The following SMYD3 variants were observed in gnomAD, a reference collection of about 807,000 sequenced individuals.
SMYD3 encodes the protein SET and MYND domain containing 3.
A neutral mutation model predicts 57.7 loss-of-function variants in SMYD3; 36 were observed. That is an observed-to-expected ratio of 0.62 (90% CI 0.48 to 0.82). The LOEUF (loss-of-function observed/expected upper bound fraction) is 0.82. SMYD3 is among the 40% of genes least tolerant of loss of function. The pLI, the probability that SMYD3 is intolerant of heterozygous loss-of-function variation, is 0.00. For synonymous variants in SMYD3, 211 were observed against 195.0 expected (o/e 1.08, Z -0.68); for missense variants, 515 against 538.8 (o/e 0.96, Z 0.44).
chr1:246,330,642 A>C, intron 3 of SMYD3, 105 bp from the exon 4 acceptor site: 2 of 908,686 alleles, frequency 2.2e-6, no homozygotes, highest in Non-Finnish European at 3.2e-6. Flanking sequence ...TCCATCAAAA[A>C]GAACATTTTC....
chr1:245,855,329 G>GC (rs1384773158), intron 10 of SMYD3, among the ~76,000 whole-genome samples: 7 of 151,722 alleles, frequency 4.6e-5, no homozygotes, highest in Middle Eastern at 3.4e-3. Flanking sequence ...GGGCTGGGGG[G>GC]GGAATTTATA....
intron 5 of SMYD3, among the ~76,000 whole-genome samples, chr1:246,248,222 G>A (rs1459767530): frequency 6.6e-6 from 1 of 152,168 alleles, no homozygotes; most frequent in Non-Finnish European, 1.5e-5. Flanking sequence ...AACTGATGAT[G>A]TAACGATTCT....
intron 1 of SMYD3, among the ~76,000 whole-genome samples, chr1:246,445,672 T>C (rs1286889251): frequency 6.6e-6 from 1 of 152,206 alleles, no homozygotes; most frequent in Admixed American, 6.5e-5. Context: ...GACAGTCTTT[T>C]GCAAACCAAG....
At chr1:245,803,589 C>T (rs2047982549) in intron 10 of SMYD3, among the ~76,000 whole-genome samples, 1 of 152,140 alleles carries the variant, frequency 6.6e-6, no homozygotes, top group African/African-American at 2.4e-5. Flanking sequence ...AAATGCAAAC[C>T]CCAGCCACGT....
At chr1:245,909,095 A>G (rs1220110258) in intron 8 of SMYD3, among the ~76,000 whole-genome samples, 1 of 152,166 alleles carries the variant, frequency 6.6e-6, no homozygotes. Flanking sequence ...AGACTCAAAT[A>G]AGTAAAATCA....
At chr1:245,898,820 G>C (rs1388522730) in intron 8 of SMYD3, among the ~76,000 whole-genome samples, 1 of 152,166 alleles carries the variant, frequency 6.6e-6, no homozygotes, top group Non-Finnish European at 1.5e-5. Context: ...CTATGTTCTT[G>C]CCACAAACTT....
chr1:246,449,770 G>T (rs1264402345), intron 1 of SMYD3, among the ~76,000 whole-genome samples: 1 of 152,166 alleles, frequency 6.6e-6, no homozygotes, highest in Non-Finnish European at 1.5e-5. Flanking sequence ...ATGAAGTCAG[G>T]TGCTCTGACT....
Position 246,055,533 on chromosome 1 carries a change from T to G in SMYD3, c.532-125596A>C, listed in dbSNP as rs150766136. Among the ~76,000 whole-genome samples, 507 of 152,328 alleles carry G rather than the reference T, an allele frequency of 3.3e-3. 1 individual carries two copies. The highest frequency in any genetic ancestry group is 5.3e-3 in the Non-Finnish European group (358 of 68,028). On this transcript the variant is annotated intron_variant, in intron 5 of 11. Coordinates refer to ENST00000490107, the MANE Select transcript of SMYD3 (RefSeq NM_001167740.2). ...AACCTGAAGAGCTGAAAGCACAGATTCAAATAGGTATTGGCACACCTTTGC... is the reference window on the plus strand; with the variant it reads ...AACCTGAAGAGCTGAAAGCACAGATGCAAATAGGTATTGGCACACCTTTGC...
chr1:245,901,077 G>T lies in SMYD3; in HGVS notation c.813+14453C>A, dbSNP rs554106863. ...CCTGCAGCATTAGAATGAGCTCAGG[G>T]TCCTTTCTCATGCAGTGAGAGCAAC... On this transcript the variant is annotated intron_variant, in intron 8 of 11. Coordinates refer to ENST00000490107, the MANE Select transcript of SMYD3 (RefSeq NM_001167740.2). 2.0e-5 allele frequency among the ~76,000 whole-genome samples: 3 copies of T among 152,288 alleles called. No homozygotes were observed. The South Asian group carries it at 6.2e-4, about 32-fold the overall frequency.
At chr1:246,490,836 C>T (rs2068257641) in intron 1 of SMYD3, among the ~76,000 whole-genome samples, 1 of 152,182 alleles carries the variant, frequency 6.6e-6, no homozygotes, top group South Asian at 2.1e-4. Flanking sequence ...CACTGCACCC[C>T]AGCCTGGGCA....
intron 5 of SMYD3, among the ~76,000 whole-genome samples, chr1:246,059,622 T>C (rs1363469846): frequency 1.3e-5 from 2 of 152,156 alleles, no homozygotes; most frequent in Non-Finnish European, 2.9e-5. Context: ...GAGGAACAGA[T>C]GGATTTAAGA....
intron 5 of SMYD3, among the ~76,000 whole-genome samples, chr1:246,316,779 A>C (rs2065167887): frequency 6.6e-6 from 1 of 150,768 alleles, no homozygotes; most frequent in African/African-American, 2.4e-5. Context: ...GCGGATCACA[A>C]GGTCAAGAGA....
chr1:245,969,491 A>G (rs1244375598), intron 5 of SMYD3, among the ~76,000 whole-genome samples: 5 of 152,220 alleles, frequency 3.3e-5, no homozygotes, highest in African/African-American at 1.2e-4. Context: ...CCCTGTTTTC[A>G]GTGCTGAATT....
At chr1:245,929,126 T>C (rs779860948) in intron 6 of SMYD3, among the ~76,000 whole-genome samples, 6 of 152,220 alleles carry the variant, frequency 3.9e-5, no homozygotes, top group Non-Finnish European at 8.8e-5. Flanking sequence ...TAAGTGGTGA[T>C]GGAATTTGGA....
chr1:246,194,280 T>G (rs1017678903), intron 5 of SMYD3, among the ~76,000 whole-genome samples: 2 of 151,922 alleles, frequency 1.3e-5, no homozygotes, highest in African/African-American at 2.4e-5. Context: ...TTGTTTTTTT[T>G]TTTTTGACAT....
chr1:246,168,412 G>C (rs1036112287), intron 5 of SMYD3, among the ~76,000 whole-genome samples: 2 of 152,026 alleles, frequency 1.3e-5, no homozygotes, highest in African/African-American at 4.8e-5. Context: ...ATAATGAAAA[G>C]CACTGTGCAA....
intron 5 of SMYD3, among the ~76,000 whole-genome samples, chr1:246,128,729 C>A (rs1260599395): frequency 6.6e-6 from 1 of 152,084 alleles, no homozygotes; most frequent in Non-Finnish European, 1.5e-5. Flanking sequence ...CTTTTTCTCC[C>A]TTTAGGGGGT....
intron 1 of SMYD3, chr1:246,426,104 G>GA (rs2067214194): frequency 6.6e-6 from 1 of 152,072 alleles, no homozygotes. Flanking sequence ...AACTCAGTTG[G>GA]ACCTTTGGAC....
At chr1:246,481,597 T>TAG (rs2068102053) in intron 1 of SMYD3, among the ~76,000 whole-genome samples, 1 of 75,464 alleles carries the variant, frequency 1.3e-5, no homozygotes, top group African/African-American at 6.1e-5. Context: ...AGGCTCCATA[T>TAG]ATATATATAT....
Sources: gnomAD v4.1 joint callset for allele counts (sites outside exome capture counted in the v4.1 genomes callset) on GRCh38, gnomAD v4.1.1 for gene constraint, MANE v1.5 for transcripts, NCBI Gene and HGNC (gene_info 2026-07-23, HGNC 2026-07-21) for gene names.